SSPN: variants seen among roughly 807,000 people sequenced by gnomAD.
The protein encoded by SSPN is K-ras oncogene-associated protein.
SSPN carries 15 observed loss-of-function variants against 19.1 expected under a neutral mutation model. The ratio of observed to expected loss-of-function variants is 0.78; its 90% CI spans 0.52 to 1.21. SSPN has a LOEUF of 1.21. Among genes scored for constraint, SSPN ranks in the 50% most tolerant of loss-of-function variants. The pLI, the probability that SSPN is intolerant of heterozygous loss-of-function variation, is 0.00. For missense variants in SSPN, 291 were observed against 314.0 expected, an observed-to-expected ratio of 0.93 and a Z score of 0.55; for synonymous variants, 147 against 140.3, an observed-to-expected ratio of 1.05 and a Z score of -0.34.
At chr12:26,190,055 A>G (rs6487539) in intron 1 of SSPN, among the ~76,000 whole-genome samples, 46,846 of 152,074 alleles carry the variant, frequency 0.31, 8,293 homozygotes, top group African/African-American at 0.49. Flanking sequence ...CCAACGTTTA[A>G]GAGATCAGCA....
At chr12:26,133,056 A>T (rs979080004) in intron 1 of SSPN, among the ~76,000 whole-genome samples, 1 of 152,220 alleles carries the variant, frequency 6.6e-6, no homozygotes, top group Admixed American at 6.5e-5. Flanking sequence ...AACTCATTAC[A>T]ATGACCCATA....
intron 1 of SSPN, among the ~76,000 whole-genome samples, chr12:26,205,051 A>G (rs572010762): frequency 6.6e-6 from 1 of 152,338 alleles, no homozygotes; most frequent in Admixed American, 6.5e-5. Context: ...GCAAAAGTCC[A>G]GTAAGTGACG....
Position 26,232,002 on chromosome 12 carries a change from A to G in SSPN, c.*926A>G. 1.2e-6 allele frequency: 1 copy of G among 836,414 alleles called. No individual in the cohort carries two copies. Among genetic ancestry groups the G allele is most frequent in the Non-Finnish European group, 1.3e-6 (1 of 763,512 alleles). 51.8% of individuals were successfully genotyped at this position (836,414 alleles called of 1,614,324 possible). A position where few individuals can be genotyped will look rare whatever the true frequency, so the allele number is the denominator to read the frequency against. ...TTCTTTCTTCTGAAAGCCAAGCACC[A>G]CAAGGAAAAAAAAAATTATTAATAG... On this transcript the variant is annotated 3_prime_UTR_variant, in exon 3 of 3. Transcript: ENST00000242729.
At chr12:26,136,526 T>A (rs1944425892) in intron 1 of SSPN, among the ~76,000 whole-genome samples, 1 of 152,160 alleles carries the variant, frequency 6.6e-6, no homozygotes, top group Admixed American at 6.5e-5. Context: ...AACACCCCCA[T>A]CCTAGTAGGT....
intron 1 of SSPN, among the ~76,000 whole-genome samples, chr12:26,166,097 G>C (rs545915392): frequency 1.3e-3 from 191 of 152,222 alleles, no homozygotes; most frequent in Non-Finnish European, 2.1e-3. Context: ...ACAGGGAGGG[G>C]AACATCACAC....
intron 1 of SSPN, among the ~76,000 whole-genome samples, chr12:26,201,023 A>ATATATATATATATAT (rs1679512195): frequency 9.0e-5 from 3 of 33,452 alleles, no homozygotes; most frequent in African/African-American, 6.0e-4. Context: ...ATATATATAT[A>ATATATATATATATAT]TATATATATA....
intron 1 of SSPN, among the ~76,000 whole-genome samples, chr12:26,206,078 T>A (rs1395472871): frequency 6.6e-6 from 1 of 152,164 alleles, no homozygotes; most frequent in Non-Finnish European, 1.5e-5. Context: ...ATCGTGTGCG[T>A]CACAAATTTT....
At position 26,232,848 on chromosome 12, in the gene SSPN, T is replaced by C. The variant is rs1464288544; in HGVS notation, c.*1772T>C. 3 of 401,906 alleles carry C rather than the reference T, an allele frequency of 7.5e-6. No homozygotes were observed. The highest frequency in any genetic ancestry group is 2.2e-5 in the African/African-American group (1 of 44,768). 24.9% of individuals were successfully genotyped at this position (401,906 alleles called of 1,614,324 possible). A position where few individuals can be genotyped will look rare whatever the true frequency, so the allele number is the denominator to read the frequency against. ...TTGGAGAGCTTAGAGGATAAGTCTC[T>C]GGAGCAGAATTTATCACACACAAAA... On this transcript the variant is annotated 3_prime_UTR_variant, in exon 3 of 3. Coordinates refer to ENST00000242729, the MANE Select transcript of SSPN (RefSeq NM_005086.5).
intron 1 of SSPN, among the ~76,000 whole-genome samples, chr12:26,171,586 G>A (rs1289062758): frequency 6.6e-6 from 1 of 150,994 alleles, no homozygotes; most frequent in Non-Finnish European, 1.5e-5. Flanking sequence ...TCATTCTAGA[G>A]ATTTACAAAT....
In SSPN at chr12:26,187,882, T is replaced by C. The variant is rs186619304; in HGVS notation, c.-30-36411T>C. On this transcript the variant is annotated intron_variant, in intron 1 of 2. Coordinates refer to the SSPN transcript ENST00000538142. ...TGTAAGAGAAGAACAGGGAGGATGA[T>C]AGTTTTTGTGAAGGGTATAAGAAGA... 2.0e-5 allele frequency among the ~76,000 whole-genome samples: 3 copies of C among 152,290 alleles called. No individual in the cohort carries two copies. In the East Asian group the frequency reaches 5.8e-4, roughly 29 times the overall value.
At chr12:26,140,457 A>G (rs1421148326) in intron 1 of SSPN, among the ~76,000 whole-genome samples, 4 of 152,192 alleles carry the variant, frequency 2.6e-5, no homozygotes, top group South Asian at 2.1e-4. Context: ...CAAAGCCACT[A>G]TCTCTCATTG....
chr12:26,124,136 C>T (rs1203597657), intron 1 of SSPN: 1 of 1,612,748 alleles, frequency 6.2e-7, no homozygotes. Context: ...AATTCGGTCT[C>T]TTCTTTTCTT....
At chr12:26,220,924 T>TGA (rs757174302) in intron 1 of SSPN, among the ~76,000 whole-genome samples, 39,122 of 151,964 alleles carry the variant, frequency 0.26, 5,405 homozygotes, top group East Asian at 0.51. Context: ...ACTTATCATT[T>TGA]CTCAGGTGAA....
chr12:26,132,581 G>C (rs968371060), intron 1 of SSPN, among the ~76,000 whole-genome samples: 1 of 152,166 alleles, frequency 6.6e-6, no homozygotes, highest in African/African-American at 2.4e-5. Flanking sequence ...CAAAGAAAAT[G>C]CTTTCTCCCT....
intron 1 of SSPN, among the ~76,000 whole-genome samples, chr12:26,131,316 A>G (rs746691222): frequency 2.0e-5 from 3 of 152,222 alleles, no homozygotes; most frequent in Admixed American, 6.5e-5. Context: ...AATTTAATAG[A>G]GTTTGCTCTT....
intron 1 of SSPN, among the ~76,000 whole-genome samples, chr12:26,157,279 G>A (rs1944561579): frequency 6.6e-6 from 1 of 152,180 alleles, no homozygotes; most frequent in East Asian, 1.9e-4. Context: ...TCTTTTGTTT[G>A]CAACTGTCTA....
Position 26,230,753 on chromosome 12 carries a change from G to A in SSPN, c.409G>A (p.Val137Met), listed in dbSNP as rs150686033. 9.9e-6 allele frequency: 16 copies of A among 1,614,088 alleles called. No homozygotes were observed. Among genetic ancestry groups the A allele is most frequent in the Non-Finnish European group, 1.2e-5 (14 of 1,180,040 alleles). Reference protein sequence around the residue: ...LLSALGLTVCVLAVAFAAHHY... With the variant: ...LLSALGLTVCMLAVAFAAHHY... ...GAGTGCCCTGGGCCTGACGGTCTGT[G>A]TGCTGGCCGTGGCCTTTGCCGCCCA... Residue 137 changes from valine (V) to methionine (M), a missense_variant, in exon 3 of 3, where the codon GTG becomes ATG. By Grantham distance (21) the Val-to-Met change is conservative. This residue lies in a region of SSPN where 141 missense variants were observed against 166.7 expected (regional missense o/e 0.85). Coordinates refer to ENST00000242729, the MANE Select transcript of SSPN (RefSeq NM_005086.5).
At chr12:26,216,846 G>T (rs1591889178) in intron 1 of SSPN, among the ~76,000 whole-genome samples, 1 of 109,964 alleles carries the variant, frequency 9.1e-6, no homozygotes, top group African/African-American at 3.4e-5. Context: ...TTTCCCCATT[G>T]CTTGTTTTTC....
intron 2 of SSPN, among the ~76,000 whole-genome samples, chr12:26,226,934 A>G (rs1370306423): frequency 3.9e-5 from 6 of 152,058 alleles, no homozygotes; most frequent in Non-Finnish European, 8.8e-5. Flanking sequence ...TACCAATTAA[A>G]GGCAGCGAGC....
Sources: gnomAD v4.1 joint callset for allele counts (sites outside exome capture counted in the v4.1 genomes callset) on GRCh38, gnomAD v4.1.1 for gene constraint, gnomAD v4.1.1 regional missense constraint, MANE v1.5 for transcripts, NCBI Gene and HGNC (gene_info 2026-07-23, HGNC 2026-07-21) for gene names.